PTPRD: variants seen among roughly 807,000 people sequenced by gnomAD.
The protein encoded by PTPRD is protein tyrosine phosphatase receptor type D.
In PTPRD, 34 loss-of-function variants were observed where a neutral mutation model predicts 214.5. The ratio of observed to expected loss-of-function variants is 0.16; its 90% CI spans 0.12 to 0.21. PTPRD has a LOEUF of 0.21. Ranked by LOEUF, PTPRD falls within the 10% of genes least tolerant of loss-of-function variation. The probability of loss-of-function intolerance (pLI) is 1.00; values close to 1 mark genes in which losing one functional copy is unlikely to be tolerated. For synonymous variants in PTPRD, 1,128 were observed against 845.7 expected (o/e 1.33, Z -5.79); for missense variants, 2,545 against 2,398.7 (o/e 1.06, Z -1.27).
At chr9:9,472,128 G>C (rs569867894) in intron 8 of PTPRD, among the ~76,000 whole-genome samples, 1 of 150,902 alleles carries the variant, frequency 6.6e-6, no homozygotes, top group Non-Finnish European at 1.5e-5. Flanking sequence ...AATTACAAAA[G>C]GACGTGTCTC....
chr9:10,393,875 G>A (rs1051405121), intron 2 of PTPRD, among the ~76,000 whole-genome samples: 2 of 148,386 alleles, frequency 1.3e-5, no homozygotes, highest in African/African-American at 2.4e-5. Context: ...TGATCCTTAT[G>A]TGGCGAGTGA....
intron 10 of PTPRD, among the ~76,000 whole-genome samples, chr9:9,090,049 T>C (rs1050090410): frequency 2.0e-5 from 3 of 152,224 alleles, no homozygotes; most frequent in African/African-American, 7.2e-5. Context: ...ACATTGAACA[T>C]TTATTCCTTT....
chr9:8,460,826 G>C (rs1170258699), intron 32 of PTPRD, among the ~76,000 whole-genome samples: 2 of 152,016 alleles, frequency 1.3e-5, no homozygotes, highest in Admixed American at 6.6e-5. Context: ...TTACTTCATA[G>C]ACACTTTTTA....
chr9:9,385,933 A>G (rs1183389052), intron 9 of PTPRD, among the ~76,000 whole-genome samples: 1 of 152,146 alleles, frequency 6.6e-6, no homozygotes, highest in Admixed American at 6.6e-5. Flanking sequence ...TAAAACAAGT[A>G]TGAACACTCA....
chr9:8,839,300 T>TTTTATTTATTTA (rs3046017), intron 11 of PTPRD, among the ~76,000 whole-genome samples: 21 of 150,430 alleles, frequency 1.4e-4, no homozygotes, highest in Middle Eastern at 3.4e-3. Flanking sequence ...ACCAAGGGGA[T>TTTTATTTATTTA]TTTATTTATT....
At chr9:10,048,257 T>A (rs2097445003) in intron 3 of PTPRD, among the ~76,000 whole-genome samples, 1 of 112,964 alleles carries the variant, frequency 8.9e-6, no homozygotes, top group Non-Finnish European at 1.7e-5. Context: ...CTTGCTAACC[T>A]TTTCTTCTTA....
intron 4 of PTPRD, among the ~76,000 whole-genome samples, chr9:10,011,705 GA>G (rs1174140653): frequency 1.3e-5 from 2 of 152,084 alleles, no homozygotes; most frequent in African/African-American, 2.4e-5. Flanking sequence ...TTGTGGATTT[GA>G]AATAGTAATT....
chr9:8,345,658 A>G (rs1195165104), intron 39 of PTPRD, among the ~76,000 whole-genome samples: 1 of 152,062 alleles, frequency 6.6e-6, no homozygotes, highest in Non-Finnish European at 1.5e-5. Context: ...AATCAGCCCA[A>G]AATAATTGTA....
At chr9:10,024,611 T>A (rs2096885009) in intron 4 of PTPRD, among the ~76,000 whole-genome samples, 1 of 152,118 alleles carries the variant, frequency 6.6e-6, no homozygotes, top group Non-Finnish European at 1.5e-5. Context: ...AATTTAGAAA[T>A]TTTATGATTC....
intron 2 of PTPRD, among the ~76,000 whole-genome samples, chr9:10,610,397 T>C (rs1006813720): frequency 7.2e-5 from 11 of 152,208 alleles, no homozygotes; most frequent in African/African-American, 2.7e-4. Context: ...CTGTCATGTC[T>C]TCTCTACTGT....
chr9:10,506,489 G>A (rs1019223574), intron 2 of PTPRD, among the ~76,000 whole-genome samples: 2 of 152,020 alleles, frequency 1.3e-5, no homozygotes, highest in East Asian at 3.8e-4. Context: ...TGGATTGTTT[G>A]TAGCACAAAG....
chr9:9,553,133 T>C (rs970621829), intron 8 of PTPRD, among the ~76,000 whole-genome samples: 1 of 152,092 alleles, frequency 6.6e-6, no homozygotes, highest in Non-Finnish European at 1.5e-5. Flanking sequence ...GTTTGTAATG[T>C]AGCTTACTGC....
intron 2 of PTPRD, among the ~76,000 whole-genome samples, chr9:10,370,915 A>G (rs1440389713): frequency 6.6e-6 from 1 of 152,006 alleles, no homozygotes; most frequent in Non-Finnish European, 1.5e-5. Flanking sequence ...CAGAGGAGTT[A>G]AACATGTGAT....
chr9:10,500,194 C>A (rs534666257), intron 2 of PTPRD, among the ~76,000 whole-genome samples: 1 of 151,818 alleles, frequency 6.6e-6, no homozygotes, highest in African/African-American at 2.4e-5. Context: ...TTGGTTCTTG[C>A]AAGCATTCTG....
At chr9:8,825,516 A>G (rs1218557134) in intron 11 of PTPRD, among the ~76,000 whole-genome samples, 2 of 152,222 alleles carry the variant, frequency 1.3e-5, no homozygotes, top group Admixed American at 1.3e-4. Flanking sequence ...AAAAGCTGTA[A>G]TAGCTTAAAA....
intron 8 of PTPRD, among the ~76,000 whole-genome samples, chr9:9,429,979 T>C (rs1380299298): frequency 6.6e-6 from 1 of 152,202 alleles, no homozygotes; most frequent in Non-Finnish European, 1.5e-5. Context: ...GCATTCCCTT[T>C]GAAAACTGGC....
chr9:8,581,616 C>A (rs191601914), intron 14 of PTPRD, among the ~76,000 whole-genome samples: 16 of 152,004 alleles, frequency 1.1e-4, no homozygotes, highest in African/African-American at 3.9e-4. Context: ...GGCATGGTGG[C>A]AGATGCCTGT....
intron 9 of PTPRD, among the ~76,000 whole-genome samples, chr9:9,211,804 ATT>A (rs371299570): frequency 2.8e-5 from 4 of 144,756 alleles, no homozygotes; most frequent in African/African-American, 7.5e-5. Flanking sequence ...AACTGGTACT[ATT>A]TTTTTTTTTT....
At chr9:9,645,532 A>G (rs1359646107) in intron 7 of PTPRD, among the ~76,000 whole-genome samples, 1 of 150,540 alleles carries the variant, frequency 6.6e-6, no homozygotes, top group Non-Finnish European at 1.5e-5. Context: ...TTTTTTAATA[A>G]CTTCTCAGCA....
Sources: gnomAD v4.1 joint callset for allele counts (sites outside exome capture counted in the v4.1 genomes callset) on GRCh38, gnomAD v4.1.1 for gene constraint, MANE v1.5 for transcripts, NCBI Gene and HGNC (gene_info 2026-07-23, HGNC 2026-07-21) for gene names.